The following SHANK2 variants were observed in gnomAD, a reference collection of about 807,000 sequenced individuals.
The protein encoded by SHANK2 is SH3 and multiple ankyrin repeat domains protein 2.
A neutral mutation model predicts 133.7 loss-of-function variants in SHANK2; 43 were observed. That is an observed-to-expected ratio of 0.32 (90% CI 0.25 to 0.41). SHANK2 has a LOEUF of 0.41. Among genes scored for constraint, SHANK2 ranks in the 10% least tolerant of loss-of-function variants. The pLI is 1.00. For synonymous variants in SHANK2, 1,017 were observed against 952.8 expected (o/e 1.07, Z -1.24); for missense variants, 1,994 against 2,235.8 (o/e 0.89, Z 2.18).
intron 14 of SHANK2, among the ~76,000 whole-genome samples, chr11:70,745,172 A>G (rs1946611724): frequency 6.6e-6 from 1 of 152,140 alleles, no homozygotes; most frequent in African/African-American, 2.4e-5. Context: ...TACCCCAACC[A>G]ATGACTTAGA....
At chr11:71,164,415 C>T (rs1953096605) in intron 2 of SHANK2, among the ~76,000 whole-genome samples, 1 of 152,192 alleles carries the variant, frequency 6.6e-6, no homozygotes, top group South Asian at 2.1e-4. Context: ...ATTCCAGCTC[C>T]AGACCCAACA....
At chr11:71,113,186 T>G (rs1951917984) in intron 5 of SHANK2, 107 bp downstream of exon 5, 1 of 994,412 alleles carries the variant, frequency 1.0e-6, no homozygotes, top group Non-Finnish European at 1.5e-6. Flanking sequence ...CCATGCCAGG[T>G]ACACAGCAGG....
chr11:70,775,989 G>T (rs1722515620), intron 14 of SHANK2, among the ~76,000 whole-genome samples: 1 of 152,232 alleles, frequency 6.6e-6, no homozygotes, highest in Admixed American at 6.5e-5. Context: ...GGTTGCAGCG[G>T]GGGCAGGGGT....
At chr11:71,077,029 G>A (rs1951229950) in intron 8 of SHANK2, among the ~76,000 whole-genome samples, 1 of 152,148 alleles carries the variant, frequency 6.6e-6, no homozygotes, top group African/African-American at 2.4e-5. Flanking sequence ...AGAGGAGACA[G>A]GAAGAGACAT....
intron 6 of SHANK2, among the ~76,000 whole-genome samples, chr11:71,104,231 G>C (rs1159536608): frequency 1.3e-5 from 2 of 152,152 alleles, no homozygotes; most frequent in African/African-American, 4.8e-5. Context: ...AGCTGAGAGA[G>C]GTTCATTAAC....
At position 70,602,442 on chromosome 11, in the gene SHANK2, C is replaced by T. The variant is rs529869057; in HGVS notation, c.2061+57386G>A. On this transcript the variant is annotated intron_variant, in intron 17 of 25. Transcript: ENST00000601538. ...CCTACACTCAGACATCAGGAGAATACGCAGGAGTGCTCAGAGTTCCTCTGT... is the reference window on the plus strand; with the variant it reads ...CCTACACTCAGACATCAGGAGAATATGCAGGAGTGCTCAGAGTTCCTCTGT... Among the ~76,000 whole-genome samples the T allele has an allele frequency of 1.3e-3, 205 of 152,328 alleles. 1 individual carries two copies. The Middle Eastern group carries it at 0.027, about 20-fold the overall frequency.
At chr11:71,160,311 C>T (rs1306831287) in intron 2 of SHANK2, among the ~76,000 whole-genome samples, 1 of 152,146 alleles carries the variant, frequency 6.6e-6, no homozygotes, top group Admixed American at 6.5e-5. Flanking sequence ...GAACTGTCTC[C>T]CTCTAAAATT....
chr11:70,683,946 G>A (rs1450513658), intron 15 of SHANK2, among the ~76,000 whole-genome samples: 1 of 152,020 alleles, frequency 6.6e-6, no homozygotes, highest in East Asian at 1.9e-4. Flanking sequence ...ACCACGCCCA[G>A]CTAATTTTTG....
intron 6 of SHANK2, among the ~76,000 whole-genome samples, chr11:71,107,708 G>T (rs188755043): frequency 6.6e-6 from 1 of 152,168 alleles, no homozygotes; most frequent in South Asian, 2.1e-4. Flanking sequence ...CAGAGAAATC[G>T]CTGCTTACCT....
At chr11:71,242,112 A>G (rs1276386665) in intron 1 of SHANK2, among the ~76,000 whole-genome samples, 1 of 152,252 alleles carries the variant, frequency 6.6e-6, no homozygotes, top group Non-Finnish European at 1.5e-5. Flanking sequence ...TGAGAACATT[A>G]TGCTGAGTGA....
intron 2 of SHANK2, among the ~76,000 whole-genome samples, chr11:71,193,322 AGTGT>A (rs1555115742): frequency 6.6e-6 from 1 of 151,900 alleles, no homozygotes; most frequent in Non-Finnish European, 1.5e-5. Flanking sequence ...GGAGTGTGTG[AGTGT>A]GTGTGGGAGT....
At chr11:71,112,194 G>C (rs1021453307) in intron 5 of SHANK2, among the ~76,000 whole-genome samples, 1 of 152,180 alleles carries the variant, frequency 6.6e-6, no homozygotes, top group Non-Finnish European at 1.5e-5. Context: ...AGGAGTTTGA[G>C]ACCAGCCTGG....
chr11:70,746,831 C>T (rs1404616700), intron 14 of SHANK2, among the ~76,000 whole-genome samples: 1 of 151,916 alleles, frequency 6.6e-6, no homozygotes, highest in African/African-American at 2.4e-5. Context: ...GAGGGCTCTG[C>T]CCTACCCTTT....
At chr11:70,898,215 G>C (rs1264221674) in intron 10 of SHANK2, among the ~76,000 whole-genome samples, 1 of 147,612 alleles carries the variant, frequency 6.8e-6, no homozygotes, top group Non-Finnish European at 1.5e-5. Flanking sequence ...CAAGTGATCA[G>C]CCTGCCTCCC....
intron 15 of SHANK2, among the ~76,000 whole-genome samples, chr11:70,674,024 G>C (rs1944862991): frequency 6.6e-6 from 1 of 152,202 alleles, no homozygotes; most frequent in Non-Finnish European, 1.5e-5. Flanking sequence ...TGAATGGCTT[G>C]GTTCCATTCT....
chr11:70,860,349 T>C (rs1949239638), intron 11 of SHANK2, among the ~76,000 whole-genome samples: 1 of 152,234 alleles, frequency 6.6e-6, no homozygotes, highest in South Asian at 2.1e-4. Context: ...CGTGCACACC[T>C]GCCCATCAGA....
chr11:71,229,230 T>C lies in SHANK2; in HGVS notation c.-112-4434A>G, dbSNP rs565868610. On this transcript the variant is annotated intron_variant, in intron 1 of 25. Transcript: ENST00000601538. ...ACATAGAGCTGGATGTTCTAGCAAGTGTAATATGGCAAAAAAACAAACAAA... is the reference window on the plus strand; with the variant it reads ...ACATAGAGCTGGATGTTCTAGCAAGCGTAATATGGCAAAAAAACAAACAAA... Among the ~76,000 whole-genome samples, 194 of 152,192 alleles carry C rather than the reference T, an allele frequency of 1.3e-3. 1 individual carries two copies. The highest frequency in any genetic ancestry group is 4.3e-3 in the African/African-American group (180 of 41,488).
intron 17 of SHANK2, among the ~76,000 whole-genome samples, chr11:70,531,627 T>G (rs2135978170): frequency 6.6e-6 from 1 of 152,314 alleles, no homozygotes; most frequent in African/African-American, 2.4e-5. Flanking sequence ...GGCCTTGCTG[T>G]GTGGCCACAG....
At chr11:70,698,467 C>G (rs2134484786) in intron 15 of SHANK2, among the ~76,000 whole-genome samples, 1 of 152,378 alleles carries the variant, frequency 6.6e-6, no homozygotes, top group Non-Finnish European at 1.5e-5. Context: ...GGCCACCACA[C>G]AGGTGTGCTC....
Sources: gnomAD v4.1 joint callset for allele counts (sites outside exome capture counted in the v4.1 genomes callset) on GRCh38, gnomAD v4.1.1 for gene constraint, MANE v1.5 for transcripts, NCBI Gene and HGNC (gene_info 2026-07-23, HGNC 2026-07-21) for gene names.